The following TENM2 variants were observed in gnomAD, a reference collection of about 807,000 sequenced individuals.
TENM2 encodes teneurin transmembrane protein 2, also known as teneurin-2.
TENM2 carries 52 observed loss-of-function variants against 245.2 expected under a neutral mutation model. The ratio of observed to expected loss-of-function variants is 0.21; its 90% confidence interval spans 0.17 to 0.27. The LOEUF (loss-of-function observed/expected upper bound fraction) is 0.27. TENM2 is among the 10% of genes least tolerant of loss of function. The pLI, the probability that TENM2 is intolerant of heterozygous loss-of-function variation, is 1.00. For missense variants in TENM2, 3,046 were observed against 3,666.8 expected (o/e 0.83, Z 4.37); for synonymous variants, 1,363 against 1,438.9 (o/e 0.95, Z 1.19).
the TENM2 span, among the ~76,000 whole-genome samples, chr5:166,985,808 G>A: frequency 6.6e-6 from 1 of 152,106 alleles, no homozygotes; most frequent in South Asian, 2.1e-4. Flanking sequence ...TCTCATTCCT[G>A]TCAAGCTGAG....
At chr5:167,782,850 T>C (rs1221665559) in intron 2 of TENM2, among the ~76,000 whole-genome samples, 1 of 152,192 alleles carries the variant, frequency 6.6e-6, no homozygotes, top group East Asian at 1.9e-4. Context: ...AAAGCAAATG[T>C]AGGTGAGACT....
At chr5:167,020,019 G>T in the TENM2 span, among the ~76,000 whole-genome samples, 1 of 152,120 alleles carries the variant, frequency 6.6e-6, no homozygotes, top group African/African-American at 2.4e-5. Flanking sequence ...GTGTCAAAAA[G>T]ATTATCTCAT....
chr5:167,161,601 C>A, the TENM2 span, among the ~76,000 whole-genome samples: 1 of 152,160 alleles, frequency 6.6e-6, no homozygotes, highest in African/African-American at 2.4e-5. Context: ...TAACTTAGAA[C>A]TGCAAGCATT....
intron 8 of TENM2, among the ~76,000 whole-genome samples, chr5:168,091,075 C>T (rs1294356034): frequency 1.3e-5 from 2 of 152,220 alleles, no homozygotes; most frequent in Middle Eastern, 3.4e-3. Context: ...TCAGTTTCCT[C>T]ATAGTAAAAT....
intron 1 of TENM2, among the ~76,000 whole-genome samples, chr5:167,285,360 C>G (rs114682393): frequency 2.1e-3 from 319 of 152,272 alleles, no homozygotes; most frequent in African/African-American, 7.3e-3. Context: ...AATGGTGTAT[C>G]TTGGTTAAAA....
Position 168,242,864 on chromosome 5 carries a change from G to A in TENM2, c.5521-1556G>A, listed in dbSNP as rs144165404. Among the ~76,000 whole-genome samples, 887 of 152,140 alleles carry A rather than the reference G, an allele frequency of 5.8e-3. 10 individuals are homozygous for A. Among genetic ancestry groups the A allele is most frequent in the African/African-American group, 0.02 (845 of 41,484 alleles). ...ACTACTCAGGAGGGAGGCTGAGGCA[G>A]GAGAATCACTTGAACCCGGGAGACA... On this transcript the variant is annotated intron_variant, in intron 25 of 28. Coordinates refer to ENST00000518659, the Ensembl canonical transcript of TENM2.
intron 2 of TENM2, among the ~76,000 whole-genome samples, chr5:167,573,649 C>T (rs1307880172): frequency 1.3e-5 from 2 of 152,070 alleles, no homozygotes; most frequent in Admixed American, 1.3e-4. Context: ...CTCCTCTCTT[C>T]TCTGTTCTTA....
At chr5:167,671,550 G>C (rs529977062) in intron 2 of TENM2, among the ~76,000 whole-genome samples, 1 of 152,014 alleles carries the variant, frequency 6.6e-6, no homozygotes, top group South Asian at 2.1e-4. Context: ...CATCGAGTTA[G>C]GCATAAGAAC....
the TENM2 span, among the ~76,000 whole-genome samples, chr5:167,092,957 A>C: frequency 6.6e-5 from 10 of 152,240 alleles, no homozygotes; most frequent in Admixed American, 2.0e-4. Context: ...CTTAGATTTG[A>C]ATTTCTTTTA....
intron 13 of TENM2, among the ~76,000 whole-genome samples, chr5:168,164,111 G>A (rs1757998879): frequency 1.3e-5 from 2 of 152,216 alleles, no homozygotes; most frequent in African/African-American, 4.8e-5. Flanking sequence ...CAGCCTTTGT[G>A]TAAGTGCGCT....
chr5:167,644,766 G>A (rs951338030), intron 2 of TENM2, among the ~76,000 whole-genome samples: 2 of 152,172 alleles, frequency 1.3e-5, no homozygotes, highest in African/African-American at 4.8e-5. Flanking sequence ...ATACTAAACT[G>A]TCTTTCAAAA....
chr5:167,053,012 A>G, the TENM2 span, among the ~76,000 whole-genome samples: 2 of 152,088 alleles, frequency 1.3e-5, no homozygotes, highest in South Asian at 2.1e-4. Context: ...TAATTTGCAT[A>G]TGTGACATCC....
intron 2 of TENM2, among the ~76,000 whole-genome samples, chr5:167,847,073 C>T (rs1770112341): frequency 6.6e-6 from 1 of 152,228 alleles, no homozygotes; most frequent in African/African-American, 2.4e-5. Flanking sequence ...CCTCCCACCT[C>T]AGCTTCCCAA....
chr5:167,827,651 G>A (rs1768100144), intron 2 of TENM2, among the ~76,000 whole-genome samples: 2 of 128,438 alleles, frequency 1.6e-5, no homozygotes, highest in South Asian at 2.6e-4. Context: ...ACAGTTTAAT[G>A]AGCGTGAATG....
At chr5:168,116,136 G>C (rs1795066538) in intron 9 of TENM2, among the ~76,000 whole-genome samples, 1 of 152,120 alleles carries the variant, frequency 6.6e-6, no homozygotes. Context: ...TCTACCCTCT[G>C]TTAGACAATC....
exon 25 of TENM2, chr5:168,228,107 A>G (rs1482473060): frequency 6.2e-7 from 1 of 1,612,280 alleles, no homozygotes; most frequent in South Asian, 1.1e-5. Context: ...AGGCAAAGTC[A>G]CCATCTTTGG....
intron 9 of TENM2, 94 bp downstream of exon 11, chr5:168,098,221 C>G (rs1393134550): frequency 1.2e-6 from 1 of 830,142 alleles, no homozygotes; most frequent in African/African-American, 1.7e-5. Context: ...GTAGCCTTCC[C>G]ATCAAATCCC....
At chr5:167,722,566 G>A (rs1759702725) in intron 2 of TENM2, among the ~76,000 whole-genome samples, 1 of 152,148 alleles carries the variant, frequency 6.6e-6, no homozygotes, top group African/African-American at 2.4e-5. Flanking sequence ...ATGACGTCAG[G>A]AGATCGAGAC....
chr5:167,479,238 T>A lies in TENM2; in HGVS notation c.502+103765T>A, dbSNP rs77246061. 3.8e-3 allele frequency among the ~76,000 whole-genome samples: 572 copies of A among 152,292 alleles called. 33 individuals are homozygous for A. The South Asian group carries it at 0.1, about 27-fold the overall frequency. On this transcript the variant is annotated intron_variant, in intron 2 of 28. Coordinates refer to ENST00000518659, the Ensembl canonical transcript of TENM2. ...ACCAGAATACTTGGAAATATAAGCC[T>A]TTGCTGGATTTTATTCTACTCAATC...
Sources: gnomAD v4.1 joint callset for allele counts (sites outside exome capture counted in the v4.1 genomes callset) on GRCh38, gnomAD v4.1.1 for gene constraint, MANE v1.5 for transcripts, NCBI Gene and HGNC (gene_info 2026-07-23, HGNC 2026-07-21) for gene names.